SRGAP1: variants seen among roughly 807,000 people sequenced by gnomAD.
SRGAP1 encodes the protein SLIT-ROBO Rho GTPase-activating protein 1.
Under a neutral mutation model 121.9 loss-of-function variants are expected in SRGAP1, and 43 were observed. The observed-to-expected ratio is 0.35, with a 90% CI of 0.28 to 0.46. The LOEUF is 0.46. Ranked by LOEUF, SRGAP1 falls within the 20% of genes least tolerant of loss-of-function variation. SRGAP1 has a pLI of 1.00. For missense variants in SRGAP1, 1,102 were observed against 1,350.9 expected, an observed-to-expected ratio of 0.82 and a Z score of 2.89; for synonymous variants, 447 against 485.4, an observed-to-expected ratio of 0.92 and a Z score of 1.04.
At chr12:64,041,337 A>G (rs1399622516) in intron 4 of SRGAP1, among the ~76,000 whole-genome samples, 1 of 151,816 alleles carries the variant, frequency 6.6e-6, no homozygotes, top group Non-Finnish European at 1.5e-5. Flanking sequence ...TTTTAAAGAG[A>G]GAAATCATAT....
intron 1 of SRGAP1, among the ~76,000 whole-genome samples, chr12:63,868,963 G>T (rs1178296455): frequency 1.3e-5 from 2 of 152,148 alleles, no homozygotes; most frequent in African/African-American, 4.8e-5. Context: ...TGCACTAGTT[G>T]TTCACTAGTT....
At chr12:64,114,840 G>C (rs1391275533) in intron 17 of SRGAP1, among the ~76,000 whole-genome samples, 1 of 152,202 alleles carries the variant, frequency 6.6e-6, no homozygotes, top group African/African-American at 2.4e-5. Context: ...GCTCGATGGT[G>C]TCTATCTTTT....
intron 6 of SRGAP1, among the ~76,000 whole-genome samples, chr12:64,053,063 C>T (rs1347071355): frequency 6.6e-6 from 1 of 152,130 alleles, no homozygotes; most frequent in Admixed American, 6.6e-5. Flanking sequence ...ATTGTACAGT[C>T]TGTTCTTGGA....
intron 1 of SRGAP1, among the ~76,000 whole-genome samples, chr12:63,965,190 T>C (rs2032756830): frequency 6.6e-6 from 1 of 152,224 alleles, no homozygotes; most frequent in African/African-American, 2.4e-5. Flanking sequence ...CAGTGGGTAT[T>C]GATGCTCTGA....
intron 1 of SRGAP1, among the ~76,000 whole-genome samples, chr12:63,876,097 C>G (rs953946170): frequency 2.6e-5 from 4 of 152,064 alleles, no homozygotes; most frequent in Non-Finnish European, 5.9e-5. Context: ...AGTTTGAAGA[C>G]TTTTTTGTCA....
At chr12:63,895,550 G>C (rs1900725725) in intron 1 of SRGAP1, among the ~76,000 whole-genome samples, 1 of 152,082 alleles carries the variant, frequency 6.6e-6, no homozygotes, top group Non-Finnish European at 1.5e-5. Flanking sequence ...TTATGCCAAA[G>C]TCACTTATAA....
chr12:63,857,461 A>C (rs1209627182), intron 1 of SRGAP1, among the ~76,000 whole-genome samples: 1 of 151,674 alleles, frequency 6.6e-6, no homozygotes. Flanking sequence ...GGCTCACTGC[A>C]ACCTCCGCCT....
At position 64,142,826 on chromosome 12, in the gene SRGAP1, C is replaced by T. The variant is rs1273189810; in HGVS notation, c.*154C>T. On this transcript the variant is annotated 3_prime_UTR_variant, in exon 22 of 22. Transcript: ENST00000355086. ...TGTCGAATGTAATGTCTGAGACTAG[C>T]TAAATTAACACGGGCATTTGTATTT... 1.0e-6 allele frequency: 1 copy of T among 995,456 alleles called. No homozygotes were observed. The highest frequency in any genetic ancestry group is 1.5e-6 in the Non-Finnish European group (1 of 687,244). The allele number at this position is 995,456 out of a possible 1,614,324, so 61.7% of individuals were successfully genotyped here.
intron 6 of SRGAP1, among the ~76,000 whole-genome samples, chr12:64,056,955 A>C (rs532757430): frequency 1.3e-5 from 2 of 152,034 alleles, no homozygotes; most frequent in African/African-American, 4.8e-5. Context: ...AGCATTTACC[A>C]TCTGGCCTGT....
intron 6 of SRGAP1, 122 bp downstream of exon 6, chr12:64,043,697 A>G: frequency 1.4e-6 from 1 of 710,642 alleles, no homozygotes; most frequent in Non-Finnish European, 2.2e-6. Flanking sequence ...TCAAAAAGAA[A>G]AAAATACTTT....
intron 1 of SRGAP1, among the ~76,000 whole-genome samples, chr12:63,928,354 C>A (rs937972707): frequency 2.5e-4 from 38 of 152,128 alleles, no homozygotes; most frequent in African/African-American, 8.9e-4. Flanking sequence ...AAACATATAT[C>A]CTCGAAAAGA....
chr12:63,958,309 G>A (rs1047937582), intron 1 of SRGAP1, among the ~76,000 whole-genome samples: 2 of 152,080 alleles, frequency 1.3e-5, no homozygotes, highest in African/African-American at 4.8e-5. Flanking sequence ...TCCGTGCAGT[G>A]TGCTCAGCTG....
intron 1 of SRGAP1, among the ~76,000 whole-genome samples, chr12:63,896,124 G>T (rs1466087524): frequency 1.3e-5 from 2 of 152,110 alleles, no homozygotes; most frequent in Non-Finnish European, 2.9e-5. Flanking sequence ...ATCCATAAAT[G>T]GGAGGGAGGG....
intron 1 of SRGAP1, among the ~76,000 whole-genome samples, chr12:63,850,340 GGT>G (rs1388823900): frequency 1.3e-5 from 2 of 152,030 alleles, no homozygotes; most frequent in African/African-American, 4.8e-5. Context: ...AATCTATATT[GGT>G]TTGTTTACTC....
At chr12:64,133,528 G>A (rs2036816691) in intron 21 of SRGAP1, among the ~76,000 whole-genome samples, 1 of 152,214 alleles carries the variant, frequency 6.6e-6, no homozygotes, top group African/African-American at 2.4e-5. Flanking sequence ...GTGTCCATTA[G>A]TCCCCAAAAT....
chr12:63,862,421 C>T (rs937009340), intron 1 of SRGAP1, among the ~76,000 whole-genome samples: 1 of 152,134 alleles, frequency 6.6e-6, no homozygotes, highest in Non-Finnish European at 1.5e-5. Flanking sequence ...GTCACAGTTA[C>T]TGGACTGTCA....
chr12:63,977,307 T>A (rs1434044517), intron 1 of SRGAP1, among the ~76,000 whole-genome samples: 1 of 152,160 alleles, frequency 6.6e-6, no homozygotes, highest in Non-Finnish European at 1.5e-5. Flanking sequence ...CTTAAGAGAA[T>A]GTAGACCCCT....
intron 1 of SRGAP1, among the ~76,000 whole-genome samples, chr12:63,910,245 G>A (rs867565961): frequency 6.6e-5 from 10 of 152,306 alleles, no homozygotes; most frequent in South Asian, 2.1e-4. Context: ...CAACTTGAGA[G>A]TTATAATTTT....
At chr12:63,977,472 T>C (rs906896783) in intron 1 of SRGAP1, among the ~76,000 whole-genome samples, 8 of 152,180 alleles carry the variant, frequency 5.3e-5, no homozygotes, top group African/African-American at 1.9e-4. Flanking sequence ...TTCAGTAATA[T>C]ATTAGAGAAA....
Sources: allele counts gnomAD v4.1 joint callset (sites outside exome capture counted in the v4.1 genomes callset), GRCh38; gene constraint gnomAD v4.1.1; transcripts MANE v1.5; gene names NCBI Gene and HGNC (gene_info 2026-07-23, HGNC 2026-07-21).